Variants in NDNF observed in about 807,000 individuals in gnomAD.
NDNF encodes neuron derived neurotrophic factor, also known as protein NDNF.
In NDNF, 16 loss-of-function variants were observed where a neutral mutation model predicts 42.0. That is an observed-to-expected ratio of 0.38 (90% CI 0.26 to 0.58). The LOEUF is 0.58. NDNF is among the 20% of genes least tolerant of loss of function. The pLI is 0.67. For synonymous variants in NDNF, 248 were observed against 251.7 expected, an observed-to-expected ratio of 0.99 and a Z score of 0.14; for missense variants, 616 against 666.2, an observed-to-expected ratio of 0.92 and a Z score of 0.83.
At chr4:121,069,531 T>C (rs1727554964) in intron 1 of NDNF, among the ~76,000 whole-genome samples, 1 of 152,238 alleles carries the variant, frequency 6.6e-6, no homozygotes, top group African/African-American at 2.4e-5. Context: ...TTTTTTATGA[T>C]AGTTACTAAT....
At chr4:121,059,567 G>A (rs1560609211) in intron 1 of NDNF, among the ~76,000 whole-genome samples, 1 of 152,196 alleles carries the variant, frequency 6.6e-6, no homozygotes, top group South Asian at 2.1e-4. Flanking sequence ...GTGCTGGATG[G>A]TCCGGGAGCC....
At chr4:121,043,326 T>C (rs1727034802) in intron 2 of NDNF, among the ~76,000 whole-genome samples, 1 of 152,228 alleles carries the variant, frequency 6.6e-6, no homozygotes, top group African/African-American at 2.4e-5. Context: ...CAACTTTATC[T>C]GGAATTTCTT....
Position 121,039,942 on chromosome 4 carries a change from C to A in NDNF, c.301G>T (p.Gly101Trp), listed in dbSNP as rs200916360. The A allele has an allele frequency of 6.2e-7, 1 of 1,613,796 alleles. No homozygotes were observed. Among genetic ancestry groups the A allele is most frequent in the South Asian group, 1.1e-5 (1 of 91,044 alleles). Residue 101 changes from glycine to tryptophan, a missense_variant, in exon 3 of 4, where the codon GGG (glycine) becomes TGG (tryptophan). Transcript: ENST00000379692. Reference protein sequence around the residue: ...SLQELPEDRSGEGSGDLEPLE... With the variant: ...SLQELPEDRSWEGSGDLEPLE... ...TCCTGCTGCTTACCTGAGCCTTCCC[C>A]GCTCCTGTCCTCTGGCAGCTCCTGG...
chr4:121,064,655 T>G (rs1335516355), intron 1 of NDNF, among the ~76,000 whole-genome samples: 1 of 152,182 alleles, frequency 6.6e-6, no homozygotes, highest in East Asian at 1.9e-4. Context: ...CTTTTCAACG[T>G]CTCTCACTCA....
intron 1 of NDNF, among the ~76,000 whole-genome samples, chr4:121,050,636 T>G (rs981532271): frequency 5.9e-5 from 9 of 152,154 alleles, no homozygotes; most frequent in Admixed American, 4.6e-4. Flanking sequence ...CCAAAAGAAC[T>G]TGGTAGTGTT....
intron 1 of NDNF, among the ~76,000 whole-genome samples, chr4:121,070,467 G>C (rs909301643): frequency 2.6e-5 from 4 of 152,084 alleles, no homozygotes; most frequent in Admixed American, 2.0e-4. Flanking sequence ...TGACTCCCCT[G>C]GTTCTCACAG....
At chr4:121,049,287 A>G (rs549463001) in intron 1 of NDNF, among the ~76,000 whole-genome samples, 8 of 152,348 alleles carry the variant, frequency 5.3e-5, no homozygotes, top group East Asian at 1.9e-4. Context: ...GGATATTTGT[A>G]TAGTGAGCAG....
Position 121,036,240 on chromosome 4 carries a change from T to A in NDNF, c.*24A>T. On this transcript the variant is annotated 3_prime_UTR_variant, in exon 4 of 4. Transcript: ENST00000379692. ...TTAATGTCCCTCCTGGAGTTCTACA[T>A]AATATATCTCTATAAGAAGGTAACT... 6.5e-7 allele frequency: 1 copy of A among 1,547,368 alleles called. No homozygotes were observed. The highest frequency in any genetic ancestry group is 2.2e-5 in the East Asian group (1 of 44,628).
intron 1 of NDNF, among the ~76,000 whole-genome samples, chr4:121,059,759 G>A (rs541859109): frequency 2.6e-5 from 4 of 152,290 alleles, no homozygotes; most frequent in Admixed American, 2.6e-4. Flanking sequence ...CACAGAAATC[G>A]CTCTTTTCCC....
At chr4:121,065,693 C>T (rs1174907937) in intron 1 of NDNF, among the ~76,000 whole-genome samples, 1 of 149,868 alleles carries the variant, frequency 6.7e-6, no homozygotes, top group Non-Finnish European at 1.5e-5. Context: ...TATTTATATT[C>T]ACTTTTATGT....
At chr4:121,049,932 T>C (rs1045694601) in intron 1 of NDNF, among the ~76,000 whole-genome samples, 5 of 152,202 alleles carry the variant, frequency 3.3e-5, no homozygotes, top group Non-Finnish European at 7.3e-5. Flanking sequence ...CAGATTCTGG[T>C]TCTACAAATA....
chr4:121,042,362 C>T (rs1432083846), intron 2 of NDNF, among the ~76,000 whole-genome samples: 2 of 152,212 alleles, frequency 1.3e-5, no homozygotes, highest in Non-Finnish European at 2.9e-5. Flanking sequence ...AATACAAGTA[C>T]TTCCCCCAGC....
intron 1 of NDNF, among the ~76,000 whole-genome samples, chr4:121,046,972 T>C (rs1253324508): frequency 6.6e-6 from 1 of 152,206 alleles, no homozygotes; most frequent in African/African-American, 2.4e-5. Flanking sequence ...TGACTTAACA[T>C]ACATCAGGGA....
chr4:121,071,598 G>A (rs1308478649), intron 1 of NDNF: 1 of 152,378 alleles, frequency 6.6e-6, no homozygotes, highest in Admixed American at 6.5e-5. Context: ...TCCAGGCTAA[G>A]TCCGGGATAA....
intron 1 of NDNF, among the ~76,000 whole-genome samples, chr4:121,062,650 C>T (rs1226371942): frequency 6.6e-6 from 1 of 152,176 alleles, no homozygotes; most frequent in Non-Finnish European, 1.5e-5. Context: ...TTATGTAATC[C>T]TTTCCCCCCC....
At chr4:121,042,529 G>T (rs935760232) in intron 2 of NDNF, among the ~76,000 whole-genome samples, 8 of 152,192 alleles carry the variant, frequency 5.3e-5, no homozygotes, top group African/African-American at 1.9e-4. Context: ...ATTGTTTACT[G>T]TATGTGAAGT....
Position 121,040,044 on chromosome 4 carries a change from CAAAG to C in NDNF, c.195_198del (p.Phe65LeufsTer14). 6.2e-7 allele frequency: 1 copy of C among 1,613,474 alleles called. No individual in the cohort carries two copies. Among genetic ancestry groups the C allele is most frequent in the African/African-American group, 1.3e-5 (1 of 75,016 alleles). ...AATGGAGTATTGTCTTCTTCAACCA[CAAAG>C]AAATACCTGTGGGAAAGTGGACCAC... On this transcript the variant is annotated frameshift_variant, in exon 3 of 4. Transcript: ENST00000379692. LOFTEE classifies it high-confidence loss of function.
chr4:121,048,549 A>T (rs1303131864), intron 1 of NDNF, among the ~76,000 whole-genome samples: 1 of 152,208 alleles, frequency 6.6e-6, no homozygotes, highest in African/African-American at 2.4e-5. Flanking sequence ...CTTATAAAAA[A>T]TGAATTCTGG....
At chr4:121,055,347 G>A (rs1211687087) in intron 1 of NDNF, among the ~76,000 whole-genome samples, 1 of 152,110 alleles carries the variant, frequency 6.6e-6, no homozygotes, top group Non-Finnish European at 1.5e-5. Context: ...TGGAAAAACT[G>A]GGGATATGCT....
Sources: gnomAD v4.1 joint callset for allele counts (sites outside exome capture counted in the v4.1 genomes callset) on GRCh38, gnomAD v4.1.1 for gene constraint, MANE v1.5 for transcripts, NCBI Gene and HGNC (gene_info 2026-07-23, HGNC 2026-07-21) for gene names.